POC1B: variants seen among roughly 807,000 people sequenced by gnomAD.
POC1B encodes POC1 centriolar protein B, also known as POC1 centriolar protein homolog B.
POC1B carries 44 observed loss-of-function variants against 60.6 expected under a neutral mutation model. That is an observed-to-expected ratio of 0.73 (90% confidence interval 0.57 to 0.93). The LOEUF is 0.93. Ranked by LOEUF, POC1B falls within the 40% of genes least tolerant of loss-of-function variation. POC1B has a pLI of 0.00. For synonymous variants in POC1B, 180 were observed against 198.9 expected (o/e 0.90, Z 0.80); for missense variants, 555 against 572.3 (o/e 0.97, Z 0.31).
chr12:89,442,330 A>G (rs1040806293), intron 10 of POC1B, among the ~76,000 whole-genome samples: 4 of 152,246 alleles, frequency 2.6e-5, no homozygotes, highest in Non-Finnish European at 5.9e-5. Context: ...GAAATGAAGG[A>G]AAAAATGTTA....
At chr12:89,494,546 C>T (rs1481233089) in intron 3 of POC1B, among the ~76,000 whole-genome samples, 6 of 152,136 alleles carry the variant, frequency 3.9e-5, no homozygotes, top group Admixed American at 2.6e-4. Flanking sequence ...TGTTGTGACT[C>T]ATCTCATCCC....
intron 10 of POC1B, among the ~76,000 whole-genome samples, chr12:89,448,362 T>C (rs1416134178): frequency 1.3e-5 from 2 of 152,146 alleles, no homozygotes; most frequent in East Asian, 1.9e-4. Context: ...ATTCACTTTA[T>C]AAAAATCACC....
At chr12:89,502,332 G>C in intron 2 of POC1B, 4 of 1,611,990 alleles carry the variant, frequency 2.5e-6, no homozygotes, top group Non-Finnish European at 3.4e-6. Context: ...GCAGGACCAA[G>C]AGAACACGTT....
chr12:89,490,718 C>G (rs922371809), intron 4 of POC1B, among the ~76,000 whole-genome samples: 1 of 152,154 alleles, frequency 6.6e-6, no homozygotes, highest in Non-Finnish European at 1.5e-5. Flanking sequence ...AATAGGAAGA[C>G]TCCACAGCTG....
rs1349115292 is a variant in POC1B, at chr12:89,466,828, A to C, written c.974T>G (p.Leu325Arg). ...KRLHFDSPPHLLDIYPRTPHP... is the reference protein window; with the variant it reads ...KRLHFDSPPHRLDIYPRTPHP... The stretch of plus-strand genomic sequence containing the variant: ...TGGTGTTCTTGGGTAGATATCAAGA[A>C]GATGTGGTGGTGAATCAAAATGTAA... The change falls in exon 9 of 12, where the codon CTT becomes CGT. Residue 325 changes from leucine to arginine, a missense_variant. By Grantham distance (102) the Leu-to-Arg change is moderately radical (BLOSUM62 -2). Coordinates refer to ENST00000313546, the MANE Select transcript of POC1B (RefSeq NM_172240.3). 6.2e-7 allele frequency: 1 copy of C among 1,613,278 alleles called. No individual in the cohort carries two copies. The highest frequency in any genetic ancestry group is 2.2e-5 in the East Asian group (1 of 44,784).
intron 10 of POC1B, among the ~76,000 whole-genome samples, chr12:89,429,959 T>C (rs1313367703): frequency 2.0e-5 from 3 of 152,194 alleles, no homozygotes; most frequent in Non-Finnish European, 4.4e-5. Context: ...ATTAGAGCTA[T>C]AGCAAAGAAC....
intron 10 of POC1B, among the ~76,000 whole-genome samples, chr12:89,432,599 G>A (rs1205174666): frequency 6.6e-6 from 1 of 152,058 alleles, no homozygotes; most frequent in Non-Finnish European, 1.5e-5. Context: ...TAAATATGTA[G>A]ATATGTGATG....
chr12:89,459,456 C>T (rs1008357878), intron 10 of POC1B, among the ~76,000 whole-genome samples, 182 bp downstream of exon 10: 3 of 151,250 alleles, frequency 2.0e-5, no homozygotes, highest in African/African-American at 7.3e-5. Context: ...GCTGCTCCCC[C>T]CTTGTGGTAA....
chr12:89,495,536 G>A (rs1869202327), intron 3 of POC1B, among the ~76,000 whole-genome samples: 2 of 152,100 alleles, frequency 1.3e-5, no homozygotes, highest in South Asian at 2.1e-4. Flanking sequence ...GGGAGTGCCT[G>A]GGCCTGAATA....
intron 2 of POC1B, among the ~76,000 whole-genome samples, chr12:89,518,718 T>C (rs1870605945): frequency 6.6e-6 from 1 of 152,182 alleles, no homozygotes; most frequent in Non-Finnish European, 1.5e-5. Flanking sequence ...ACTGTCTCTA[T>C]GGATTTTCCA....
intron 2 of POC1B, chr12:89,523,095 G>C: frequency 6.2e-7 from 1 of 1,613,854 alleles, no homozygotes; most frequent in Non-Finnish European, 8.5e-7. Flanking sequence ...TATATTCAAA[G>C]AATTGATTGC....
At chr12:89,412,561 A>C in the POC1B span, among the ~76,000 whole-genome samples, 42 of 151,796 alleles carry the variant, frequency 2.8e-4, no homozygotes, top group African/African-American at 9.9e-4. Flanking sequence ...CTGTAATCCC[A>C]GCAATTCGGG....
intron 2 of POC1B, among the ~76,000 whole-genome samples, chr12:89,510,591 T>C (rs1394821257): frequency 6.6e-6 from 1 of 152,140 alleles, no homozygotes; most frequent in Non-Finnish European, 1.5e-5. Flanking sequence ...TTTTCTTTCT[T>C]GCAAAGATCA....
At chr12:89,451,998 G>A (rs892789484) in intron 10 of POC1B, among the ~76,000 whole-genome samples, 3 of 152,188 alleles carry the variant, frequency 2.0e-5, no homozygotes, top group Non-Finnish European at 4.4e-5. Flanking sequence ...GCACTTTTCA[G>A]GGAGCTACGG....
intron 7 of POC1B, among the ~76,000 whole-genome samples, chr12:89,468,745 CCTAA>C (rs1882776562): frequency 6.6e-6 from 1 of 151,816 alleles, no homozygotes; most frequent in East Asian, 1.9e-4. Context: ...TCTGCTTTAC[CCTAA>C]CACCACTGCA....
chr12:89,476,739 TAGATAGATAGATAGATAGATAGAC>T lies in POC1B; in HGVS notation c.453-4488_453-4465del, dbSNP rs201602380. 0.019 allele frequency among the ~76,000 whole-genome samples: 2,576 copies of T among 132,700 alleles called. 110 individuals carry two copies. The East Asian group carries it at 0.24, about 12-fold the overall frequency. The allele number at this position is 132,700 out of a possible 152,430, so 87.1% of individuals were successfully genotyped here. On this transcript the variant is annotated intron_variant, in intron 4 of 11. Coordinates refer to ENST00000313546, the MANE Select transcript of POC1B (RefSeq NM_172240.3). The stretch of plus-strand genomic sequence containing the variant: ...ATAGATAGATAGATAGATAGATAGA[TAGATAGATAGATAGATAGATAGAC>T]AGACAGACAGACAGACACTTTTATA...
At chr12:89,507,890 A>G (rs1325619147) in intron 2 of POC1B, among the ~76,000 whole-genome samples, 18 of 152,162 alleles carry the variant, frequency 1.2e-4, no homozygotes, top group Admixed American at 1.2e-3. Context: ...CTGGAACACT[A>G]TTTTCTGAAA....
At chr12:89,431,242 G>A (rs1445717014) in intron 10 of POC1B, among the ~76,000 whole-genome samples, 2 of 152,176 alleles carry the variant, frequency 1.3e-5, no homozygotes, top group African/African-American at 4.8e-5. Flanking sequence ...TCTGTAAGTA[G>A]AGAAGAAAAC....
Position 89,444,939 on chromosome 12 carries a change from A to G in POC1B, c.1113+14699T>C, listed in dbSNP as rs187854770. ...GATACAAAATCAATGTGCAAAAATCACAAGCATTCCTATATACCAATAACA... is the reference window on the plus strand; with the variant it reads ...GATACAAAATCAATGTGCAAAAATCGCAAGCATTCCTATATACCAATAACA... On this transcript the variant is annotated intron_variant, in intron 10 of 11. Coordinates refer to ENST00000313546, the MANE Select transcript of POC1B (RefSeq NM_172240.3). Among the ~76,000 whole-genome samples the G allele has an allele frequency of 2.0e-5, 3 of 152,326 alleles. No individual in the cohort carries two copies. The East Asian group carries it at 5.8e-4, about 29-fold the overall frequency.
Sources: gnomAD v4.1 joint callset for allele counts (sites outside exome capture counted in the v4.1 genomes callset) on GRCh38, gnomAD v4.1.1 for gene constraint, MANE v1.5 for transcripts, NCBI Gene and HGNC (gene_info 2026-07-23, HGNC 2026-07-21) for gene names.